The following SOBP variants were observed in gnomAD, a reference collection of about 807,000 sequenced individuals.
SOBP encodes the protein sine oculis-binding protein homolog.
A neutral mutation model predicts 53.6 loss-of-function variants in SOBP; 4 were observed. That is an observed-to-expected ratio of 0.07 (90% CI 0.04 to 0.17). SOBP has a LOEUF of 0.17. SOBP is among the 10% of genes least tolerant of loss of function. The pLI is 1.00. For synonymous variants in SOBP, 584 were observed against 522.6 expected, an observed-to-expected ratio of 1.12 and a Z score of -1.60; for missense variants, 1,088 against 1,204.7, an observed-to-expected ratio of 0.90 and a Z score of 1.43.
chr6:107,554,247 A>G (rs932477271), intron 4 of SOBP, among the ~76,000 whole-genome samples: 4 of 152,222 alleles, frequency 2.6e-5, no homozygotes, highest in South Asian at 2.1e-4. Context: ...GAAACAAGTG[A>G]CAGAGTTTTT....
At position 107,585,672 on chromosome 6, in the gene SOBP, A is replaced by G. The variant is rs111435635; in HGVS notation, c.574-1408A>G. 3.9e-3 allele frequency among the ~76,000 whole-genome samples: 601 copies of G among 152,304 alleles called. 1 individual carries two copies. The highest frequency in any genetic ancestry group is 5.0e-3 in the Non-Finnish European group (337 of 68,016). On this transcript the variant is annotated intron_variant, in intron 4 of 6. Transcript: ENST00000317357. ...CTCAAAAGTGAACCAAAAGAGAGCA[A>G]TCTCTTTTCCCCACAAACTTCTTGT...
intron 5 of SOBP, among the ~76,000 whole-genome samples, chr6:107,596,151 T>C (rs1272408967): frequency 6.6e-6 from 1 of 152,182 alleles, no homozygotes; most frequent in African/African-American, 2.4e-5. Flanking sequence ...CTGAGAACCA[T>C]GCTTAGCTCA....
chr6:107,542,547 C>T (rs746588672), intron 4 of SOBP, among the ~76,000 whole-genome samples: 21 of 151,772 alleles, frequency 1.4e-4, no homozygotes, highest in Non-Finnish European at 2.5e-4. Context: ...GCCTCTGTGA[C>T]GGAAGTAACA....
chr6:107,648,110 C>T (rs889370148), intron 6 of SOBP, among the ~76,000 whole-genome samples: 9 of 152,172 alleles, frequency 5.9e-5, no homozygotes, highest in African/African-American at 9.7e-5. Flanking sequence ...TAAAATCTGC[C>T]GTTGACCCAC....
At chr6:107,584,582 C>T (rs1583238900) in intron 4 of SOBP, among the ~76,000 whole-genome samples, 1 of 152,082 alleles carries the variant, frequency 6.6e-6, no homozygotes, top group Non-Finnish European at 1.5e-5. Flanking sequence ...AGAGGACAGG[C>T]CATTCCCAGA....
intron 4 of SOBP, among the ~76,000 whole-genome samples, chr6:107,575,572 C>T (rs189629085): frequency 1.8e-4 from 27 of 152,188 alleles, no homozygotes; most frequent in Non-Finnish European, 2.9e-4. Flanking sequence ...ATGGAACAAA[C>T]AGAAGGGGTG....
intron 4 of SOBP, among the ~76,000 whole-genome samples, chr6:107,568,629 T>G (rs1203585365): frequency 6.6e-6 from 1 of 152,202 alleles, no homozygotes; most frequent in Non-Finnish European, 1.5e-5. Flanking sequence ...AGGGGAGAGA[T>G]GTGTTGAATG....
At chr6:107,626,253 A>T (rs769766154) in intron 5 of SOBP, among the ~76,000 whole-genome samples, 127 of 152,156 alleles carry the variant, frequency 8.3e-4, no homozygotes, top group Non-Finnish European at 1.8e-4. Context: ...TTGCATGTTA[A>T]CCTTTAGAAC....
chr6:107,567,631 T>C (rs1221896723), intron 4 of SOBP, among the ~76,000 whole-genome samples: 1 of 152,252 alleles, frequency 6.6e-6, no homozygotes, highest in Non-Finnish European at 1.5e-5. Context: ...TTGAATATAC[T>C]TTGTATTAAA....
chr6:107,555,866 TTTGC>T lies in SOBP; in HGVS notation c.573+22259_573+22262del, dbSNP rs1583207710. ...TTACCAAGAAAGCGGGTTCTCCTGA[TTTGC>T]TTTTGTCTCCTCAAGAACTCTCTTG... On this transcript the variant is annotated intron_variant, in intron 4 of 6. Coordinates refer to ENST00000317357, the MANE Select transcript of SOBP (RefSeq NM_018013.4). Among the ~76,000 whole-genome samples the T allele has an allele frequency of 2.0e-5, 3 of 152,366 alleles. No individual in the cohort carries two copies. The East Asian group carries it at 5.8e-4, about 29-fold the overall frequency.
intron 6 of SOBP, among the ~76,000 whole-genome samples, chr6:107,637,550 A>C (rs1771104591): frequency 6.6e-6 from 1 of 152,216 alleles, no homozygotes; most frequent in Non-Finnish European, 1.5e-5. Flanking sequence ...AGAGTAATTT[A>C]ATCTGGTTGA....
intron 5 of SOBP, among the ~76,000 whole-genome samples, chr6:107,626,501 A>C (rs986235923): frequency 4.6e-5 from 7 of 152,118 alleles, no homozygotes; most frequent in Non-Finnish European, 2.9e-5. Flanking sequence ...CAAAACAAAA[A>C]CTTGTGCCTC....
intron 3 of SOBP, among the ~76,000 whole-genome samples, chr6:107,533,165 CTTTTTT>C (rs755278856): frequency 9.1e-6 from 1 of 109,474 alleles, no homozygotes. Flanking sequence ...GCAGATGAAG[CTTTTTT>C]TTTTTTTTTT....
intron 4 of SOBP, chr6:107,557,763 A>G (rs1446477719): frequency 6.6e-6 from 1 of 152,136 alleles, no homozygotes; most frequent in Non-Finnish European, 1.5e-5. Context: ...GCTAAGAAAA[A>G]CTTTGAGGCT....
At chr6:107,565,422 C>G (rs1784886318) in intron 4 of SOBP, among the ~76,000 whole-genome samples, 1 of 149,260 alleles carries the variant, frequency 6.7e-6, no homozygotes, top group Admixed American at 6.8e-5. Context: ...TCCACCTCTT[C>G]GTGGAATCCA....
chr6:107,499,964 CT>C (rs1234881976), intron 1 of SOBP, among the ~76,000 whole-genome samples: 1 of 152,020 alleles, frequency 6.6e-6, no homozygotes, highest in Non-Finnish European at 1.5e-5. Context: ...AAATGAATAA[CT>C]TTTTAAATAG....
intron 4 of SOBP, among the ~76,000 whole-genome samples, chr6:107,562,403 GA>G (rs1156294851): frequency 6.6e-6 from 1 of 152,170 alleles, no homozygotes; most frequent in African/African-American, 2.4e-5. Flanking sequence ...TTTGTCTTTA[GA>G]CCGTGACAAG....
At chr6:107,497,806 A>G (rs975134832) in intron 1 of SOBP, among the ~76,000 whole-genome samples, 1 of 152,234 alleles carries the variant, frequency 6.6e-6, no homozygotes, top group African/African-American at 2.4e-5. Context: ...TAAGAAAACA[A>G]TGCTGAAACA....
chr6:107,576,295 A>G (rs1785222144), intron 4 of SOBP, among the ~76,000 whole-genome samples: 1 of 152,240 alleles, frequency 6.6e-6, no homozygotes, highest in African/African-American at 2.4e-5. Flanking sequence ...AGCGCACAGT[A>G]AAAGTCAGGA....
Sources: gnomAD v4.1 joint callset for allele counts (sites outside exome capture counted in the v4.1 genomes callset) on GRCh38, gnomAD v4.1.1 for gene constraint, MANE v1.5 for transcripts, NCBI Gene and HGNC (gene_info 2026-07-23, HGNC 2026-07-21) for gene names.